GLT1D1: variants seen among roughly 807,000 people sequenced by gnomAD.
GLT1D1 encodes glycosyltransferase 1 domain containing 1.
Under a neutral mutation model 28.7 loss-of-function variants are expected in GLT1D1, and 21 were observed. That is an observed-to-expected ratio of 0.73 (90% CI 0.52 to 1.05). GLT1D1 has a LOEUF of 1.05. Ranked by LOEUF, GLT1D1 falls within the 50% of genes least tolerant of loss-of-function variation. The pLI, the probability that GLT1D1 is intolerant of heterozygous loss-of-function variation, is 0.00. For missense variants in GLT1D1, 343 were observed against 330.6 expected (o/e 1.04, Z -0.29); for synonymous variants, 147 against 124.8 (o/e 1.18, Z -1.19).
intron 4 of GLT1D1, among the ~76,000 whole-genome samples, chr12:128,912,182 CT>C (rs375931145): frequency 1.1e-3 from 164 of 152,202 alleles, no homozygotes; most frequent in African/African-American, 3.5e-3. Context: ...ATTTAAGAGA[CT>C]TTTTGTGTGT....
chr12:128,892,809 A>C (rs470444), intron 3 of GLT1D1, among the ~76,000 whole-genome samples: 2,612 of 152,194 alleles, frequency 0.017, 94 homozygotes, highest in African/African-American at 0.06. Flanking sequence ...ATTCAAACTT[A>C]CCTTAGCTTC....
At position 128,913,688 on chromosome 12, in the gene GLT1D1, T is replaced by C. The variant is rs181941508; in HGVS notation, c.375+14401T>C. Among the ~76,000 whole-genome samples the C allele has an allele frequency of 6.6e-5, 10 of 152,322 alleles. No individual in the cohort carries two copies. In the South Asian group the frequency reaches 1.0e-3, roughly 16 times the overall value. ...ACTTCCATGGTGCTCAGGCGCACCT[T>C]AGTGAGGCACGGCATCCTGTCATCA... On this transcript the variant is annotated intron_variant, in intron 4 of 7. Coordinates refer to ENST00000281703, the MANE Select transcript of GLT1D1 (RefSeq NM_144669.3).
chr12:128,863,593 G>T (rs1956434128), intron 1 of GLT1D1, among the ~76,000 whole-genome samples: 1 of 152,062 alleles, frequency 6.6e-6, no homozygotes, highest in Non-Finnish European at 1.5e-5. Context: ...GGTCAGGCTG[G>T]TCTTGAACTC....
intron 3 of GLT1D1, among the ~76,000 whole-genome samples, chr12:128,896,348 TTTTC>T (rs1264428794): frequency 6.6e-6 from 1 of 152,054 alleles, no homozygotes; most frequent in Admixed American, 6.6e-5. Context: ...TTGTTAAGAA[TTTTC>T]TTTCTAACTA....
rs1220756062 is a variant in GLT1D1 at position 128,904,871 on chromosome 12, C to T, written c.375+5584C>T. On this transcript the variant is annotated intron_variant, in intron 4 of 7. Coordinates refer to ENST00000281703, the MANE Select transcript of GLT1D1 (RefSeq NM_144669.3). Reference sequence around the variant, plus strand: ...CTGGTCTTGAACTCCCAACCTCAGGCGATCCACCTGCCTCGGCCTCCCAAA... The same window carrying T: ...CTGGTCTTGAACTCCCAACCTCAGGTGATCCACCTGCCTCGGCCTCCCAAA... Among the ~76,000 whole-genome samples, 4 of 151,932 alleles carry T rather than the reference C, an allele frequency of 2.6e-5. No individual in the cohort carries two copies. In the East Asian group the frequency reaches 5.8e-4, roughly 22 times the overall value.
intron 7 of GLT1D1, among the ~76,000 whole-genome samples, chr12:128,978,021 G>T (rs149274605): frequency 0.015 from 2,311 of 151,918 alleles, 51 homozygotes; most frequent in African/African-American, 0.051. Flanking sequence ...CTGACCTCAG[G>T]TAATCTGCCC....
chr12:128,908,874 G>A (rs1280383017), intron 4 of GLT1D1, among the ~76,000 whole-genome samples: 1 of 152,074 alleles, frequency 6.6e-6, no homozygotes. Context: ...GCGTGAACCC[G>A]GGAGGCAGAG....
chr12:128,982,373 G>T (rs111228933), intron 7 of GLT1D1, among the ~76,000 whole-genome samples: 43 of 152,272 alleles, frequency 2.8e-4, no homozygotes, highest in African/African-American at 1.0e-3. Context: ...TTGAACCCAG[G>T]TCTGGCTCTG....
At chr12:128,886,924 T>G (rs1325059382) in intron 2 of GLT1D1, among the ~76,000 whole-genome samples, 1 of 152,138 alleles carries the variant, frequency 6.6e-6, no homozygotes, top group African/African-American at 2.4e-5. Flanking sequence ...TCTCTCTGTG[T>G]TTTTGGAAAA....
At chr12:128,899,089 G>A (rs1184114495) in intron 3 of GLT1D1, 147 bp from the exon 4 acceptor site, 1 of 628,116 alleles carries the variant, frequency 1.6e-6, no homozygotes, top group Non-Finnish European at 2.8e-6. Context: ...AAACCTAATG[G>A]CCAATGACCA....
At chr12:128,927,127 T>C (rs1415042648) in intron 4 of GLT1D1, 1 of 1,535,974 alleles carries the variant, frequency 6.5e-7, no homozygotes, top group Non-Finnish European at 8.7e-7. Flanking sequence ...AGGAGCCCAA[T>C]GTGCACCTGG....
chr12:128,914,235 G>A (rs1316373662), intron 4 of GLT1D1, among the ~76,000 whole-genome samples: 1 of 152,082 alleles, frequency 6.6e-6, no homozygotes, highest in Non-Finnish European at 1.5e-5. Context: ...AGTTGGTGAG[G>A]GTTGAGAGTG....
chr12:128,899,343 G>A (rs1458746880), intron 4 of GLT1D1, 56 bp downstream of exon 4: 5 of 1,471,326 alleles, frequency 3.4e-6, no homozygotes, highest in Middle Eastern at 1.7e-4. Context: ...TGCAGAATTC[G>A]AGAACCGAAA....
At chr12:128,943,728 G>A (rs1488378174) in intron 4 of GLT1D1, among the ~76,000 whole-genome samples, 1 of 152,158 alleles carries the variant, frequency 6.6e-6, no homozygotes, top group Non-Finnish European at 1.5e-5. Context: ...TATATGGTTA[G>A]CATACACATT....
intron 7 of GLT1D1, among the ~76,000 whole-genome samples, chr12:128,969,160 G>C (rs2117457): frequency 0.67 from 89,489 of 132,818 alleles, 29,256 homozygotes; most frequent in Non-Finnish European, 0.74. Context: ...CTGTTTCTCT[G>C]ATTGTCTCTT....
intron 7 of GLT1D1, among the ~76,000 whole-genome samples, chr12:128,980,813 A>G (rs1367458101): frequency 6.6e-6 from 1 of 152,214 alleles, no homozygotes; most frequent in Non-Finnish European, 1.5e-5. Context: ...CGAACAAGTC[A>G]GATTCATCGG....
intron 7 of GLT1D1, among the ~76,000 whole-genome samples, chr12:128,973,893 TGTGTGTGTAGGGG>T (rs1276393856): frequency 2.0e-4 from 15 of 76,798 alleles, no homozygotes; most frequent in Non-Finnish European, 4.6e-4. Flanking sequence ...GTGTAGGGGG[TGTGTGTGTAGGGG>T]GTGTGTGTAG....
chr12:128,949,843 C>T (rs191210377), intron 6 of GLT1D1, among the ~76,000 whole-genome samples: 10 of 152,014 alleles, frequency 6.6e-5, no homozygotes, highest in Admixed American at 3.9e-4. Context: ...CACATGCACA[C>T]GCACGTACAC....
intron 3 of GLT1D1, among the ~76,000 whole-genome samples, chr12:128,894,061 T>A (rs763076080): frequency 7.2e-5 from 11 of 152,200 alleles, no homozygotes; most frequent in Non-Finnish European, 1.3e-4. Flanking sequence ...GCACCTCTTG[T>A]TAGTTTTCAG....
Sources: allele counts gnomAD v4.1 joint callset (sites outside exome capture counted in the v4.1 genomes callset), GRCh38; gene constraint gnomAD v4.1.1; transcripts MANE v1.5; gene names NCBI Gene and HGNC (gene_info 2026-07-23, HGNC 2026-07-21).